Variants in MRTFB observed in about 807,000 individuals in gnomAD.
MRTFB encodes myocardin-related transcription factor B.
A neutral mutation model predicts 104.2 loss-of-function variants in MRTFB; 29 were observed. The ratio of observed to expected loss-of-function variants is 0.28; its 90% CI spans 0.21 to 0.38. The LOEUF is 0.38. Ranked by LOEUF, MRTFB falls within the 10% of genes least tolerant of loss-of-function variation. MRTFB has a pLI of 1.00. For missense variants in MRTFB, 1,270 were observed against 1,341.6 expected, an observed-to-expected ratio of 0.95 and a Z score of 0.83; for synonymous variants, 535 against 519.5, an observed-to-expected ratio of 1.03 and a Z score of -0.41.
chr16:14,207,638 C>T (rs2041008393), intron 3 of MRTFB, among the ~76,000 whole-genome samples: 1 of 152,132 alleles, frequency 6.6e-6, no homozygotes. Context: ...ACCAGAAAGA[C>T]CAAGGCATGG....
At chr16:14,148,845 C>G (rs199652872) in intron 3 of MRTFB, 3 of 152,470 alleles carry the variant, frequency 2.0e-5, no homozygotes, top group Non-Finnish European at 2.9e-5. Flanking sequence ...GTTCTTATAT[C>G]TCATTGTCGT....
intron 3 of MRTFB, among the ~76,000 whole-genome samples, chr16:14,179,423 A>G (rs1443215697): frequency 6.6e-6 from 1 of 152,224 alleles, no homozygotes; most frequent in Non-Finnish European, 1.5e-5. Flanking sequence ...ACTTTATAAA[A>G]TACTCATCCA....
rs1041759220 is a variant in MRTFB, at chr16:14,265,811, G to A, written c.*4367G>A. 3 of 152,100 alleles carry A rather than the reference G, an allele frequency of 2.0e-5. No individual in the cohort carries two copies. Among genetic ancestry groups the A allele is most frequent in the African/African-American group, 4.8e-5 (2 of 41,402 alleles). The allele number at this position is 152,100 out of a possible 1,614,324, so 9.4% of individuals were successfully genotyped here. A position where few individuals can be genotyped will look rare whatever the true frequency, so the allele number is the denominator to read the frequency against. ...TTTGTGACAATAAGATGGCAATCTC[G>A]GATCTACAAGGTGCTGTCGGGAATC... On this transcript the variant is annotated 3_prime_UTR_variant, in exon 17 of 17. Coordinates refer to ENST00000571589, the MANE Select transcript of MRTFB (RefSeq NM_001308142.2).
chr16:14,215,603 G>A (rs2041383111), intron 6 of MRTFB, among the ~76,000 whole-genome samples: 1 of 152,214 alleles, frequency 6.6e-6, no homozygotes, highest in African/African-American at 2.4e-5. Context: ...GTCCTACCTA[G>A]ATCTTAACCA....
chr16:14,234,164 A>T lies in MRTFB; in HGVS notation c.712A>T (p.Thr238Ser). 1 of 1,614,006 alleles carries T rather than the reference A, an allele frequency of 6.2e-7. No individual in the cohort carries two copies. The highest frequency in any genetic ancestry group is 1.3e-5 in the African/African-American group (1 of 75,008). Residue 238 changes from threonine (T) to serine (S), a missense_variant, in exon 9 of 17, where the codon ACA (threonine) becomes TCA (serine). Physicochemically the swap from Thr to Ser is moderately conservative, Grantham distance 58. Transcript: ENST00000571589. ...CCACCAGTTTGCTTCAGTGTCCCCAACAGTTCCTGAATTCTTGAAAACTCC... is the reference window on the plus strand; with the variant it reads ...CCACCAGTTTGCTTCAGTGTCCCCATCAGTTCCTGAATTCTTGAAAACTCC... ...TPAQFASVSP[T>S]VPEFLKTPPT...
chr16:14,080,177 A>G (rs2034311485), intron 2 of MRTFB, among the ~76,000 whole-genome samples: 1 of 152,106 alleles, frequency 6.6e-6, no homozygotes, highest in African/African-American at 2.4e-5. Flanking sequence ...TAGATGTGTA[A>G]CTGCTGGGTC....
chr16:14,229,704 CTAG>C (rs994113957), intron 8 of MRTFB, among the ~76,000 whole-genome samples: 10 of 151,870 alleles, frequency 6.6e-5, no homozygotes, highest in African/African-American at 2.4e-4. Context: ...GTAGCCATTT[CTAG>C]TAGGAGAAAA....
chr16:14,070,941 G>C (rs910341882), upstream of MRTFB, among the ~76,000 whole-genome samples: 11 of 152,252 alleles, frequency 7.2e-5, no homozygotes, highest in Non-Finnish European at 5.9e-5. Flanking sequence ...GGAGGGCAGT[G>C]TGAGGACCGA....
chr16:14,002,351 C>A, the MRTFB span, among the ~76,000 whole-genome samples: 2 of 151,872 alleles, frequency 1.3e-5, no homozygotes, highest in African/African-American at 2.4e-5. Context: ...CCACTGCACT[C>A]CAGCCTGGGT....
chr16:14,071,247 G>C (rs1476526838), upstream of MRTFB: 2 of 153,232 alleles, frequency 1.3e-5, no homozygotes, highest in Admixed American at 6.5e-5. Flanking sequence ...GGAGCGCGCC[G>C]AGCCGCTTCT....
chr16:14,210,679 A>G (rs2041155123), intron 4 of MRTFB, among the ~76,000 whole-genome samples: 1 of 152,172 alleles, frequency 6.6e-6, no homozygotes, highest in Non-Finnish European at 1.5e-5. Context: ...TTAATTTACA[A>G]TTTTTACTTA....
chr16:14,208,104 C>T (rs754060406), intron 3 of MRTFB, among the ~76,000 whole-genome samples: 16 of 152,200 alleles, frequency 1.1e-4, no homozygotes, highest in Non-Finnish European at 1.8e-4. Context: ...CAGAATGACA[C>T]GCATCCGTGT....
the MRTFB span, among the ~76,000 whole-genome samples, chr16:14,022,804 C>T: frequency 7.1e-6 from 1 of 141,256 alleles, no homozygotes; most frequent in Non-Finnish European, 1.5e-5. Flanking sequence ...GACTGAAGTG[C>T]AGTGGCCTCA....
the MRTFB span, chr16:14,019,388 G>C: frequency 6.6e-6 from 1 of 152,212 alleles, no homozygotes. Flanking sequence ...TATGAAGCCA[G>C]CTGCTTCAGC....
intron 2 of MRTFB, among the ~76,000 whole-genome samples, chr16:14,085,531 T>G (rs2034656306): frequency 6.6e-6 from 1 of 151,652 alleles, no homozygotes; most frequent in African/African-American, 2.4e-5. Context: ...ACTTTAATAT[T>G]GATGCTTTTC....
intron 8 of MRTFB, among the ~76,000 whole-genome samples, chr16:14,230,033 T>C (rs551194189): frequency 6.0e-4 from 92 of 152,218 alleles, no homozygotes; most frequent in African/African-American, 1.7e-3. Flanking sequence ...AGTATTCTTT[T>C]GGATTCCCTA....
intron 2 of MRTFB, among the ~76,000 whole-genome samples, chr16:14,122,243 T>A (rs75477279): frequency 1.0e-5 from 1 of 96,834 alleles, no homozygotes; most frequent in African/African-American, 1.3e-4. Flanking sequence ...GATCTGTTTT[T>A]TTTTTTTCAA....
intron 8 of MRTFB, among the ~76,000 whole-genome samples, chr16:14,231,679 A>G (rs2042274961): frequency 6.6e-6 from 1 of 152,154 alleles, no homozygotes; most frequent in South Asian, 2.1e-4. Context: ...AATGGCCCCC[A>G]GCTCCAGGCC....
At chr16:14,060,604 T>G in the MRTFB span, among the ~76,000 whole-genome samples, 2 of 152,132 alleles carry the variant, frequency 1.3e-5, no homozygotes, top group Admixed American at 1.3e-4. Flanking sequence ...TGCAGGGGTC[T>G]CAGGCTTGGC....
Sources: gnomAD v4.1 joint callset for allele counts (sites outside exome capture counted in the v4.1 genomes callset) on GRCh38, gnomAD v4.1.1 for gene constraint, MANE v1.5 for transcripts, NCBI Gene and HGNC (gene_info 2026-07-23, HGNC 2026-07-21) for gene names.